SLC8A1: variants seen among roughly 807,000 people sequenced by gnomAD.
SLC8A1 encodes the protein sodium/calcium exchanger 1.
Under a neutral mutation model 68.3 loss-of-function variants are expected in SLC8A1, and 18 were observed. The observed-to-expected ratio is 0.26, with a 90% CI of 0.18 to 0.39. The LOEUF (loss-of-function observed/expected upper bound fraction) is 0.39, where lower values mean the gene tolerates loss of function less well. Among genes scored for constraint, SLC8A1 ranks in the 10% least tolerant of loss-of-function variants. The probability of loss-of-function intolerance (pLI) is 1.00; values close to 1 mark genes in which losing one functional copy is unlikely to be tolerated. For synonymous variants in SLC8A1, 475 were observed against 415.5 expected, an observed-to-expected ratio of 1.14 and a Z score of -1.74; for missense variants, 985 against 1,156.7, an observed-to-expected ratio of 0.85 and a Z score of 2.15.
At chr2:40,359,574 A>G (rs950809228) in intron 2 of SLC8A1, among the ~76,000 whole-genome samples, 1 of 152,142 alleles carries the variant, frequency 6.6e-6, no homozygotes, top group Non-Finnish European at 1.5e-5. Context: ...CTGCATTATA[A>G]CAGTTTGGTT....
intron 7 of SLC8A1, among the ~76,000 whole-genome samples, chr2:40,133,185 C>T (rs1248742144): frequency 6.6e-6 from 1 of 152,148 alleles, no homozygotes; most frequent in Admixed American, 6.5e-5. Context: ...CTGAATTCAG[C>T]TCTAAAGCTC....
chr2:40,507,528 A>G (rs1235078498), intron 1 of SLC8A1, among the ~76,000 whole-genome samples: 2 of 152,072 alleles, frequency 1.3e-5, no homozygotes, highest in African/African-American at 4.8e-5. Flanking sequence ...ACTCCTTGCC[A>G]TAACACTACT....
intron 2 of SLC8A1, among the ~76,000 whole-genome samples, chr2:40,357,412 G>T (rs1264694473): frequency 6.7e-6 from 1 of 149,092 alleles, no homozygotes; most frequent in East Asian, 2.0e-4. Context: ...TGGGAGGATT[G>T]CTTGAGCCCA....
intron 2 of SLC8A1, among the ~76,000 whole-genome samples, chr2:40,277,350 G>A (rs2066852942): frequency 6.6e-6 from 1 of 152,020 alleles, no homozygotes. Flanking sequence ...GACCAGCCTG[G>A]CCAACCTGGT....
At chr2:40,354,171 G>A (rs1240235658) in intron 2 of SLC8A1, among the ~76,000 whole-genome samples, 2 of 152,150 alleles carry the variant, frequency 1.3e-5, no homozygotes, top group Non-Finnish European at 2.9e-5. Flanking sequence ...ATATATGAGT[G>A]CCTTTGTTTT....
chr2:40,476,196 G>C (rs952665421), intron 1 of SLC8A1, among the ~76,000 whole-genome samples: 1 of 152,014 alleles, frequency 6.6e-6, no homozygotes, highest in Admixed American at 6.6e-5. Context: ...TATCTAATTT[G>C]CAACAACCAA....
intron 2 of SLC8A1, among the ~76,000 whole-genome samples, chr2:40,281,842 A>C (rs2067571990): frequency 6.6e-6 from 1 of 152,218 alleles, no homozygotes; most frequent in African/African-American, 2.4e-5. Context: ...ATGTTCCCTG[A>C]TTCTCAGGAA....
At chr2:40,248,721 C>CATAA (rs1166144222) in intron 2 of SLC8A1, among the ~76,000 whole-genome samples, 1 of 152,022 alleles carries the variant, frequency 6.6e-6, no homozygotes, top group African/African-American at 2.4e-5. Context: ...ATAGTATGGG[C>CATAA]ATAAATAGAC....
At chr2:40,189,343 C>T (rs536054892) in intron 2 of SLC8A1, among the ~76,000 whole-genome samples, 14 of 152,264 alleles carry the variant, frequency 9.2e-5, no homozygotes, top group South Asian at 4.1e-4. Context: ...ATTATCGAGA[C>T]GGAGTCTCGC....
intron 2 of SLC8A1, among the ~76,000 whole-genome samples, chr2:40,369,813 GA>G (rs1253629306): frequency 5.9e-5 from 9 of 151,964 alleles, no homozygotes; most frequent in African/African-American, 1.9e-4. Flanking sequence ...AGCCAATTCT[GA>G]GAGCAGAACA....
intron 2 of SLC8A1, among the ~76,000 whole-genome samples, chr2:40,288,460 G>T (rs2068687624): frequency 6.6e-6 from 1 of 152,034 alleles, no homozygotes; most frequent in African/African-American, 2.4e-5. Flanking sequence ...TGCTGGTCAT[G>T]GCTTGGCTAA....
intron 2 of SLC8A1, among the ~76,000 whole-genome samples, chr2:40,203,792 A>G (rs1175500855): frequency 6.6e-6 from 1 of 151,946 alleles, no homozygotes; most frequent in African/African-American, 2.4e-5. Flanking sequence ...TGCAGCCTCA[A>G]CCTTCTGGGC....
At chr2:40,171,043 C>T (rs2047403282) in intron 4 of SLC8A1, among the ~76,000 whole-genome samples, 1 of 152,160 alleles carries the variant, frequency 6.6e-6, no homozygotes, top group African/African-American at 2.4e-5. Flanking sequence ...TCCAGATTCA[C>T]TTGCTATTTG....
chr2:40,298,652 G>T (rs901520460), intron 2 of SLC8A1, among the ~76,000 whole-genome samples: 2 of 152,100 alleles, frequency 1.3e-5, no homozygotes, highest in African/African-American at 4.8e-5. Context: ...AGAAGGCTAT[G>T]GTTTTAACAC....
intron 2 of SLC8A1, among the ~76,000 whole-genome samples, chr2:40,332,423 G>C (rs961414667): frequency 6.7e-6 from 1 of 149,018 alleles, no homozygotes; most frequent in African/African-American, 2.4e-5. Context: ...CATGTGTGTG[G>C]GGGGAGGACG....
intron 2 of SLC8A1, among the ~76,000 whole-genome samples, chr2:40,304,195 C>G (rs2072118590): frequency 6.6e-6 from 1 of 152,168 alleles, no homozygotes; most frequent in South Asian, 2.1e-4. Context: ...GAAAATCTGA[C>G]AAATGCTGTC....
At chr2:40,507,946 C>A (rs1198219600) in intron 1 of SLC8A1, among the ~76,000 whole-genome samples, 1 of 151,988 alleles carries the variant, frequency 6.6e-6, no homozygotes, top group Admixed American at 6.6e-5. Context: ...GTTTTTATTT[C>A]ATAGAATGTA....
At chr2:40,382,797 G>A (rs1332423684) in intron 2 of SLC8A1, among the ~76,000 whole-genome samples, 2 of 152,008 alleles carry the variant, frequency 1.3e-5, no homozygotes, top group Admixed American at 6.6e-5. Flanking sequence ...ACATTTATAT[G>A]TTTTAGTTAA....
At position 40,496,876 on chromosome 2, in the gene SLC8A1, A is replaced by C. The variant is rs567988902; in HGVS notation, c.-25+15473T>G. Among the ~76,000 whole-genome samples, 237 of 137,438 alleles carry C rather than the reference A, an allele frequency of 1.7e-3. 1 individual carries two copies. Among genetic ancestry groups the C allele is most frequent in the African/African-American group, 6.3e-3 (230 of 36,572 alleles). 90.2% of individuals were successfully genotyped at this position (137,438 alleles called of 152,430 possible). A position where few individuals can be genotyped will look rare whatever the true frequency, so the allele number is the denominator to read the frequency against. ...ACTCATAGGTGGGAATTGAACAATG[A>C]GATCACATGGACACAGGAAGGGGAA... On this transcript the variant is annotated intron_variant, in intron 1 of 7. Transcript: ENST00000402441.
Sources: gnomAD v4.1 joint callset for allele counts (sites outside exome capture counted in the v4.1 genomes callset) on GRCh38, gnomAD v4.1.1 for gene constraint, MANE v1.5 for transcripts, NCBI Gene and HGNC (gene_info 2026-07-23, HGNC 2026-07-21) for gene names.